ADAM18: variants seen among roughly 807,000 people sequenced by gnomAD.
ADAM18 encodes the protein ADAM metallopeptidase domain 18.
In ADAM18, 117 loss-of-function variants were observed where a neutral mutation model predicts 94.4. That is an observed-to-expected ratio of 1.24 (90% confidence interval 1.07 to 1.45). The LOEUF is 1.45. ADAM18 is among the 40% of genes most tolerant of loss of function. ADAM18 has a pLI of 0.00. For missense variants in ADAM18, 936 were observed against 880.0 expected, an observed-to-expected ratio of 1.06 and a Z score of -0.81; for synonymous variants, 327 against 291.6, an observed-to-expected ratio of 1.12 and a Z score of -1.24.
intron 19 of ADAM18, among the ~76,000 whole-genome samples, chr8:39,728,324 A>T (rs1222488881): frequency 2.6e-5 from 4 of 152,218 alleles, no homozygotes; most frequent in African/African-American, 9.7e-5. Context: ...AGAAATTTAA[A>T]TAATGAACAT....
chr8:39,657,344 T>G (rs1289347157), intron 12 of ADAM18, among the ~76,000 whole-genome samples: 1 of 152,190 alleles, frequency 6.6e-6, no homozygotes, highest in Non-Finnish European at 1.5e-5. Context: ...ACAGCCTTGC[T>G]TTTATCATCC....
At chr8:39,620,896 G>A (rs1166207425) in intron 6 of ADAM18, among the ~76,000 whole-genome samples, 1 of 151,574 alleles carries the variant, frequency 6.6e-6, no homozygotes, top group Non-Finnish European at 1.5e-5. Context: ...GATAGTGAGA[G>A]AATATTTAAT....
intron 16 of ADAM18, among the ~76,000 whole-genome samples, chr8:39,685,696 TCTG>T (rs1272865756): frequency 6.6e-6 from 1 of 152,224 alleles, no homozygotes; most frequent in Non-Finnish European, 1.5e-5. Context: ...ATTTTTTAGT[TCTG>T]CTTTCCTTTT....
intron 10 of ADAM18, among the ~76,000 whole-genome samples, chr8:39,644,854 T>C (rs563367041): frequency 6.6e-6 from 1 of 152,314 alleles, no homozygotes; most frequent in South Asian, 2.1e-4. Flanking sequence ...AAAGCATGTG[T>C]AACAATCTAT....
chr8:39,712,395 C>T (rs1283974265), intron 18 of ADAM18, among the ~76,000 whole-genome samples: 1 of 152,142 alleles, frequency 6.6e-6, no homozygotes, highest in Non-Finnish European at 1.5e-5. Flanking sequence ...GATAAGGATG[C>T]CCTCTCTCAC....
chr8:39,637,015 T>C (rs527283624), intron 7 of ADAM18, among the ~76,000 whole-genome samples: 2 of 39,888 alleles, frequency 5.0e-5, no homozygotes, highest in African/African-American at 1.7e-4. Context: ...CGCATGTGTG[T>C]ATTTTATATA....
At chr8:39,667,529 A>C (rs898871953) in intron 13 of ADAM18, among the ~76,000 whole-genome samples, 5 of 152,160 alleles carry the variant, frequency 3.3e-5, no homozygotes, top group Admixed American at 2.0e-4. Context: ...GAACTCTATG[A>C]GAATTTGTCT....
chr8:39,625,035 G>A (rs1448038237), intron 6 of ADAM18, among the ~76,000 whole-genome samples: 4 of 152,138 alleles, frequency 2.6e-5, no homozygotes, highest in African/African-American at 9.7e-5. Flanking sequence ...GCTCTTCTTT[G>A]GTTCCATGTG....
chr8:39,723,193 A>G (rs1352790217), intron 18 of ADAM18, among the ~76,000 whole-genome samples: 2 of 151,516 alleles, frequency 1.3e-5, no homozygotes, highest in Admixed American at 6.6e-5. Context: ...AGGTAATAAT[A>G]TGCTTATAGA....
At chr8:39,696,775 G>A (rs1031598392) in intron 17 of ADAM18, among the ~76,000 whole-genome samples, 3 of 151,504 alleles carry the variant, frequency 2.0e-5, no homozygotes, top group Admixed American at 6.6e-5. Flanking sequence ...GGCTTTGCAG[G>A]AAGTTTTGTC....
chr8:39,707,704 T>C (rs895365948), intron 18 of ADAM18, among the ~76,000 whole-genome samples: 2 of 152,150 alleles, frequency 1.3e-5, no homozygotes, highest in South Asian at 4.1e-4. Flanking sequence ...TTTGTAAATA[T>C]AAACATACAA....
chr8:39,626,648 G>A (rs1819777971), intron 6 of ADAM18, among the ~76,000 whole-genome samples: 3 of 152,026 alleles, frequency 2.0e-5, no homozygotes, highest in South Asian at 4.1e-4. Flanking sequence ...TTCATCTTGA[G>A]TTTATTGTTA....
At chr8:39,657,150 A>AC in intron 12 of ADAM18, among the ~76,000 whole-genome samples, 1 of 152,380 alleles carries the variant, frequency 6.6e-6, no homozygotes, top group East Asian at 1.9e-4. Context: ...AGTATGCTGC[A>AC]CAAAACAAAG....
chr8:39,725,112 G>A (rs570768180), intron 19 of ADAM18, among the ~76,000 whole-genome samples: 11 of 152,000 alleles, frequency 7.2e-5, no homozygotes, highest in East Asian at 1.9e-4. Flanking sequence ...TGATGGTATC[G>A]TTTAAGTCTT....
intron 2 of ADAM18, among the ~76,000 whole-genome samples, chr8:39,585,674 A>G (rs1233045319): frequency 6.6e-6 from 1 of 152,216 alleles, no homozygotes. Flanking sequence ...CAAATTTTTT[A>G]TTGTCCAGTA....
chr8:39,682,975 C>T (rs1821510157), intron 16 of ADAM18, among the ~76,000 whole-genome samples: 1 of 152,150 alleles, frequency 6.6e-6, no homozygotes, highest in Non-Finnish European at 1.5e-5. Flanking sequence ...CTTCTGTTCA[C>T]TCCCTTTATA....
intron 18 of ADAM18, among the ~76,000 whole-genome samples, chr8:39,715,477 A>T (rs1400959729): frequency 6.6e-6 from 1 of 151,684 alleles, no homozygotes; most frequent in Non-Finnish European, 1.5e-5. Flanking sequence ...TAAAATAGAA[A>T]AAAAAAAGCA....
chr8:39,676,841 G>A (rs1358936582), intron 14 of ADAM18, among the ~76,000 whole-genome samples: 1 of 152,206 alleles, frequency 6.6e-6, no homozygotes, highest in Non-Finnish European at 1.5e-5. Flanking sequence ...TTCACATAGA[G>A]TGGATAACAG....
intron 14 of ADAM18, among the ~76,000 whole-genome samples, chr8:39,669,270 T>C (rs1012341466): frequency 6.6e-6 from 1 of 151,172 alleles, no homozygotes; most frequent in African/African-American, 2.4e-5. Context: ...TTTGAGTTCT[T>C]TTTTGTTTTT....
Sources: gnomAD v4.1 joint callset for allele counts (sites outside exome capture counted in the v4.1 genomes callset) on GRCh38, gnomAD v4.1.1 for gene constraint, MANE v1.5 for transcripts, NCBI Gene and HGNC (gene_info 2026-07-23, HGNC 2026-07-21) for gene names.